The following CNTN5 variants were observed in gnomAD, a reference collection of about 807,000 sequenced individuals.
CNTN5 encodes the protein contactin-5.
A neutral mutation model predicts 129.1 loss-of-function variants in CNTN5; 77 were observed. The ratio of observed to expected loss-of-function variants is 0.60; its 90% CI spans 0.50 to 0.72. The LOEUF (loss-of-function observed/expected upper bound fraction) is 0.72. Ranked by LOEUF, CNTN5 falls within the 30% of genes least tolerant of loss-of-function variation. The pLI, the probability that CNTN5 is intolerant of heterozygous loss-of-function variation, is 0.00. For missense variants in CNTN5, 1,478 were observed against 1,328.8 expected, an observed-to-expected ratio of 1.11 and a Z score of -1.75; for synonymous variants, 509 against 465.6, an observed-to-expected ratio of 1.09 and a Z score of -1.20.
chr11:100,148,838 A>ATTGTTTGT (rs111242965), intron 13 of CNTN5, among the ~76,000 whole-genome samples: 1 of 151,988 alleles, frequency 6.6e-6, no homozygotes, highest in African/African-American at 2.4e-5. Context: ...TATTTATTTG[A>ATTGTTTGT]TTGTTTGGTA....
chr11:99,400,300 G>A (rs975605205), intron 2 of CNTN5, among the ~76,000 whole-genome samples: 4 of 152,052 alleles, frequency 2.6e-5, no homozygotes, highest in Admixed American at 6.6e-5. Flanking sequence ...CTGCTATTTC[G>A]CTTAACATAA....
At chr11:99,439,849 T>C (rs1943756562) in intron 2 of CNTN5, among the ~76,000 whole-genome samples, 1 of 152,118 alleles carries the variant, frequency 6.6e-6, no homozygotes, top group South Asian at 2.1e-4. Flanking sequence ...AATCAATTTA[T>C]GCAATGAAAT....
chr11:100,208,370 C>T (rs1464010118), intron 15 of CNTN5, among the ~76,000 whole-genome samples: 1 of 152,100 alleles, frequency 6.6e-6, no homozygotes, highest in Non-Finnish European at 1.5e-5. Context: ...TCATTTCGGG[C>T]ATCATCTGGC....
At chr11:99,477,261 A>G (rs1591128039) in intron 2 of CNTN5, among the ~76,000 whole-genome samples, 2 of 151,902 alleles carry the variant, frequency 1.3e-5, no homozygotes, top group African/African-American at 4.8e-5. Flanking sequence ...ATAATTTAGT[A>G]CCCCTACATA....
At chr11:99,395,684 T>A (rs943876730) in intron 2 of CNTN5, among the ~76,000 whole-genome samples, 3 of 151,934 alleles carry the variant, frequency 2.0e-5, no homozygotes, top group African/African-American at 7.2e-5. Context: ...GGTTTTACAT[T>A]TAAGTCTTTA....
intron 1 of CNTN5, among the ~76,000 whole-genome samples, chr11:99,157,295 T>C (rs1860383715): frequency 6.6e-6 from 1 of 152,070 alleles, no homozygotes; most frequent in Non-Finnish European, 1.5e-5. Flanking sequence ...AAATCATTTT[T>C]ATTCTAGTAA....
intron 13 of CNTN5, among the ~76,000 whole-genome samples, chr11:100,113,819 A>T (rs1945748998): frequency 6.6e-6 from 1 of 152,026 alleles, no homozygotes; most frequent in Non-Finnish European, 1.5e-5. Flanking sequence ...TTTTGTTTCC[A>T]CACAAGCTCA....
intron 1 of CNTN5, among the ~76,000 whole-genome samples, chr11:99,241,681 C>T (rs747132005): frequency 5.3e-5 from 8 of 151,872 alleles, no homozygotes; most frequent in Admixed American, 1.3e-4. Context: ...CCTTTTATTA[C>T]GTCTATAAAA....
intron 1 of CNTN5, among the ~76,000 whole-genome samples, chr11:99,148,186 C>T (rs894432706): frequency 6.6e-6 from 1 of 151,950 alleles, no homozygotes; most frequent in African/African-American, 2.4e-5. Flanking sequence ...TAAAAAGGGC[C>T]TTTTAAAATA....
intron 6 of CNTN5, among the ~76,000 whole-genome samples, chr11:99,881,830 A>G (rs985070820): frequency 1.3e-5 from 2 of 152,222 alleles, no homozygotes; most frequent in South Asian, 4.1e-4. Flanking sequence ...TCAGCCGACT[A>G]CTATCTGAGA....
chr11:99,499,658 G>T (rs1283588492), intron 2 of CNTN5, among the ~76,000 whole-genome samples: 1 of 152,136 alleles, frequency 6.6e-6, no homozygotes, highest in Non-Finnish European at 1.5e-5. Flanking sequence ...TACACGAGTT[G>T]TTGACAAAAA....
At chr11:100,031,275 A>T (rs1555181401) in intron 9 of CNTN5, among the ~76,000 whole-genome samples, 1 of 152,184 alleles carries the variant, frequency 6.6e-6, no homozygotes, top group Admixed American at 6.5e-5. Context: ...TGCATGTGGG[A>T]TTGTGTAAAG....
chr11:99,261,692 C>T (rs1862635238), intron 1 of CNTN5, among the ~76,000 whole-genome samples: 1 of 152,040 alleles, frequency 6.6e-6, no homozygotes, highest in Non-Finnish European at 1.5e-5. Context: ...ATTTTCATAA[C>T]TAACATCATC....
intron 2 of CNTN5, among the ~76,000 whole-genome samples, chr11:99,441,153 G>C (rs1320703151): frequency 6.6e-6 from 1 of 152,070 alleles, no homozygotes; most frequent in Non-Finnish European, 1.5e-5. Flanking sequence ...GGTTGAAGTT[G>C]TGTGAGCCTT....
rs112204086 is a variant in CNTN5 at position 99,961,161 on chromosome 11, C to T, written c.877+4152C>T. On this transcript the variant is annotated intron_variant, in intron 8 of 24. Coordinates refer to ENST00000524871, the MANE Select transcript of CNTN5 (RefSeq NM_014361.4). ...CGGATGCTGCAGTGAGCCAAGATCA[C>T]GCCACTGCACTCCAGCCTGGGCCAT... Among the ~76,000 whole-genome samples the T allele has an allele frequency of 3.5e-3, 497 of 141,252 alleles. 4 individuals are homozygous for T. The highest frequency in any genetic ancestry group is 0.013 in the African/African-American group (469 of 37,098). The allele number at this position is 141,252 out of a possible 152,430, so 92.7% of individuals were successfully genotyped here. A position where few individuals can be genotyped will look rare whatever the true frequency, so the allele number is the denominator to read the frequency against.
chr11:99,263,092 G>A (rs1862717964), intron 1 of CNTN5, among the ~76,000 whole-genome samples: 1 of 152,084 alleles, frequency 6.6e-6, no homozygotes, highest in Non-Finnish European at 1.5e-5. Flanking sequence ...GTCTTAAGAA[G>A]TCCTCTGAAA....
chr11:99,460,180 T>C (rs1944641825), intron 2 of CNTN5, among the ~76,000 whole-genome samples: 1 of 151,836 alleles, frequency 6.6e-6, no homozygotes, highest in African/African-American at 2.4e-5. Context: ...ATAAAACTTT[T>C]AATGTAAAGC....
chr11:100,226,397 G>C (rs1332757068), intron 16 of CNTN5, among the ~76,000 whole-genome samples: 5 of 152,022 alleles, frequency 3.3e-5, no homozygotes, highest in African/African-American at 1.2e-4. Flanking sequence ...GACTATAGGG[G>C]GTAAATTTAA....
chr11:99,258,544 T>C, intron 1 of CNTN5, among the ~76,000 whole-genome samples: 1 of 152,090 alleles, frequency 6.6e-6, no homozygotes, highest in East Asian at 1.9e-4. Context: ...ATACTCCATT[T>C]ACACAAGTTA....
Sources: gnomAD v4.1 joint callset for allele counts (sites outside exome capture counted in the v4.1 genomes callset) on GRCh38, gnomAD v4.1.1 for gene constraint, MANE v1.5 for transcripts, NCBI Gene and HGNC (gene_info 2026-07-23, HGNC 2026-07-21) for gene names.